EGFLAM: variants seen among roughly 807,000 people sequenced by gnomAD.
The protein encoded by EGFLAM is pikachurin.
A neutral mutation model predicts 113.1 loss-of-function variants in EGFLAM; 79 were observed. That is an observed-to-expected ratio of 0.70 (90% CI 0.58 to 0.84). The LOEUF is 0.84. Among genes scored for constraint, EGFLAM ranks in the 40% least tolerant of loss-of-function variants. The pLI, the probability that EGFLAM is intolerant of heterozygous loss-of-function variation, is 0.00. For synonymous variants in EGFLAM, 504 were observed against 487.6 expected (o/e 1.03, Z -0.44); for missense variants, 1,265 against 1,291.6 (o/e 0.98, Z 0.32).
intron 13 of EGFLAM, among the ~76,000 whole-genome samples, chr5:38,426,124 G>A (rs116225465): frequency 1.3e-5 from 2 of 151,902 alleles, no homozygotes; most frequent in Non-Finnish European, 2.9e-5. Context: ...AAAAGATAGG[G>A]AAGGTAGACA....
chr5:38,370,307 A>G lies in EGFLAM; in HGVS notation c.557A>G (p.Asp186Gly). 1 of 1,613,622 alleles carries G rather than the reference A, an allele frequency of 6.2e-7. No homozygotes were observed. Among genetic ancestry groups the G allele is most frequent in the East Asian group, 2.2e-5 (1 of 44,872 alleles). Reference protein sequence around the residue: ...YSVEFIRPDFDKKWTSIHERI... With the variant: ...YSVEFIRPDFGKKWTSIHERI... ...TCTAATCAATAAAGGCCAGATTTCG[A>G]CAAGAAGTGGACCTCAATCCATGAG... The change falls in exon 6 of 22, where the codon GAC becomes GGC. Residue 186 changes from aspartate to glycine, a missense_variant. Asp to Gly is a moderately conservative substitution (Grantham distance 94, BLOSUM62 -1). Coordinates refer to ENST00000322350, the MANE Select transcript of EGFLAM (RefSeq NM_152403.4).
intron 3 of EGFLAM, among the ~76,000 whole-genome samples, chr5:38,345,001 C>T (rs541140094): frequency 2.0e-5 from 3 of 152,218 alleles, no homozygotes; most frequent in African/African-American, 7.2e-5. Flanking sequence ...TACTGAGAGA[C>T]GAGTCATCCA....
At chr5:38,317,094 G>A (rs545635308) in intron 1 of EGFLAM, among the ~76,000 whole-genome samples, 5 of 152,092 alleles carry the variant, frequency 3.3e-5, no homozygotes, top group Non-Finnish European at 7.4e-5. Context: ...TCTTGCACAC[G>A]GATGCAGCAA....
intron 17 of EGFLAM, among the ~76,000 whole-genome samples, chr5:38,444,018 G>T (rs986840019): frequency 6.6e-6 from 1 of 151,980 alleles, no homozygotes; most frequent in African/African-American, 2.4e-5. Context: ...TGATCCACCC[G>T]CCTGGACCTC....
intron 6 of EGFLAM, among the ~76,000 whole-genome samples, chr5:38,391,271 T>G (rs1329489641): frequency 6.6e-6 from 1 of 152,224 alleles, no homozygotes; most frequent in Non-Finnish European, 1.5e-5. Flanking sequence ...ATGACATCTT[T>G]CTGGTATATC....
rs757576993 is a variant in EGFLAM, at chr5:38,463,894, A to G, written c.2938A>G (p.Ile980Val). Residue 980 changes from isoleucine to valine, a missense_variant, in exon 22 of 22, where the codon ATC becomes GTC. Coordinates refer to ENST00000322350, the MANE Select transcript of EGFLAM (RefSeq NM_152403.4). ...RQYMRGLVGC[I>V]SHFTLSTDYH... ...ATATATGAGAGGGCTCGTGGGCTGTATCTCTCACTTCACCCTGTCCACCGA... is the reference window on the plus strand; with the variant it reads ...ATATATGAGAGGGCTCGTGGGCTGTGTCTCTCACTTCACCCTGTCCACCGA... 8 of 1,614,194 alleles carry G rather than the reference A, an allele frequency of 5.0e-6. No homozygotes were observed. The South Asian group carries it at 8.8e-5, about 18-fold the overall frequency.
chr5:38,406,105 GTGC>G lies in EGFLAM; in HGVS notation c.713-16_713-14del. ...AAGAAGGCCTGTGCTGATGAAGGGT[GTGC>G]TGCTTTTCTTTGTGAAGGCCCTGAG... On this transcript the variant is annotated intron_variant, in intron 6 of 21. Coordinates refer to ENST00000322350, the MANE Select transcript of EGFLAM (RefSeq NM_152403.4). The G allele has an allele frequency of 6.3e-7, 1 of 1,597,602 alleles. No individual in the cohort carries two copies. The highest frequency in any genetic ancestry group is 8.6e-7 in the Non-Finnish European group (1 of 1,164,894).
chr5:38,360,056 A>G (rs937520286), intron 5 of EGFLAM, among the ~76,000 whole-genome samples: 6 of 152,176 alleles, frequency 3.9e-5, no homozygotes, highest in Non-Finnish European at 8.8e-5. Flanking sequence ...CTCTCCTTCC[A>G]TCTCATCATA....
chr5:38,336,298 G>A (rs1031265255), intron 1 of EGFLAM, among the ~76,000 whole-genome samples: 5 of 152,140 alleles, frequency 3.3e-5, no homozygotes, highest in Admixed American at 1.3e-4. Flanking sequence ...ACATGGCTGG[G>A]TGCGGTGGCT....
intron 17 of EGFLAM, among the ~76,000 whole-genome samples, chr5:38,442,341 T>C (rs1055169678): frequency 1.4e-5 from 2 of 147,882 alleles, no homozygotes; most frequent in African/African-American, 4.9e-5. Context: ...TATTATTTGA[T>C]TTAAAATATT....
At chr5:38,280,023 T>TA (rs1269622065) in intron 1 of EGFLAM, among the ~76,000 whole-genome samples, 1 of 152,034 alleles carries the variant, frequency 6.6e-6, no homozygotes, top group African/African-American at 2.4e-5. Flanking sequence ...TTAAAGAAGC[T>TA]AAAAAAACAA....
At chr5:38,426,242 T>C (rs549905098) in intron 13 of EGFLAM, among the ~76,000 whole-genome samples, 104 of 152,076 alleles carry the variant, frequency 6.8e-4, no homozygotes, top group Non-Finnish European at 1.1e-3. Flanking sequence ...TAAATATATA[T>C]ACATGCACAC....
intron 14 of EGFLAM, among the ~76,000 whole-genome samples, chr5:38,429,492 G>A (rs949498289): frequency 3.3e-5 from 5 of 152,192 alleles, no homozygotes; most frequent in Admixed American, 1.3e-4. Flanking sequence ...GAAGTTCAGC[G>A]AGGGCCAGGA....
At chr5:38,412,093 C>T (rs1156441891) in intron 10 of EGFLAM, among the ~76,000 whole-genome samples, 4 of 152,212 alleles carry the variant, frequency 2.6e-5, no homozygotes, top group Non-Finnish European at 4.4e-5. Flanking sequence ...ACTCACCATG[C>T]CTGGCCTAAT....
At chr5:38,407,282 A>G in intron 8 of EGFLAM, 136 bp downstream of exon 8, 1 of 982,452 alleles carries the variant, frequency 1.0e-6, no homozygotes, top group South Asian at 1.7e-5. Context: ...ATTGGTCATT[A>G]AATTAACTAT....
chr5:38,406,931 CT>C lies in EGFLAM; in HGVS notation c.933del (p.Thr312ProfsTer7), dbSNP rs1561072988. On this transcript the variant is annotated frameshift_variant, in exon 8 of 22. Coordinates refer to ENST00000322350, the MANE Select transcript of EGFLAM (RefSeq NM_152403.4). LOFTEE classifies it high-confidence loss of function. ...NPKTISRLIP[P>X]TSASLPVTTV... ...AAGACCATTTCTAGGCTCATCCCCCCTACCTCAGCATCTCTCCCTGTGACCA... is the reference window on the plus strand; with the variant it reads ...AAGACCATTTCTAGGCTCATCCCCCCACCTCAGCATCTCTCCCTGTGACCA... 1 of 1,614,212 alleles carries C rather than the reference CT, an allele frequency of 6.2e-7. No homozygotes were observed. Among genetic ancestry groups the C allele is most frequent in the East Asian group, 2.2e-5 (1 of 44,872 alleles).
At chr5:38,336,592 C>CACACACAG (rs1554048278) in intron 1 of EGFLAM, among the ~76,000 whole-genome samples, 25 of 151,766 alleles carry the variant, frequency 1.6e-4, no homozygotes, top group African/African-American at 5.3e-4. Flanking sequence ...CACACACACA[C>CACACACAG]ACACACAGAC....
chr5:38,397,996 A>AT (rs1224556989), intron 6 of EGFLAM, among the ~76,000 whole-genome samples: 6 of 152,112 alleles, frequency 3.9e-5, no homozygotes, highest in African/African-American at 9.7e-5. Flanking sequence ...TGGTTCAGTC[A>AT]TTTTTTTGGC....
intron 17 of EGFLAM, among the ~76,000 whole-genome samples, chr5:38,440,905 A>G (rs1005054951): frequency 6.6e-6 from 1 of 152,142 alleles, no homozygotes; most frequent in Non-Finnish European, 1.5e-5. Flanking sequence ...CTCATCAGAG[A>G]GTGTGGCAAG....
Sources: allele counts gnomAD v4.1 joint callset (sites outside exome capture counted in the v4.1 genomes callset), GRCh38; gene constraint gnomAD v4.1.1; transcripts MANE v1.5; gene names NCBI Gene and HGNC (gene_info 2026-07-23, HGNC 2026-07-21).